The following SLC28A2 variants were observed in gnomAD, a reference collection of about 807,000 sequenced individuals.
SLC28A2 encodes the protein sodium/nucleoside cotransporter 2.
Under a neutral mutation model 72.9 loss-of-function variants are expected in SLC28A2, and 69 were observed. The ratio of observed to expected loss-of-function variants is 0.95; its 90% CI spans 0.78 to 1.16. The LOEUF (loss-of-function observed/expected upper bound fraction) is 1.16. Among genes scored for constraint, SLC28A2 ranks in the 50% most tolerant of loss-of-function variants. The probability of loss-of-function intolerance (pLI) is 0.00; values close to 1 mark genes in which losing one functional copy is unlikely to be tolerated. For synonymous variants in SLC28A2, 296 were observed against 294.1 expected (o/e 1.01, Z -0.07); for missense variants, 745 against 791.1 (o/e 0.94, Z 0.70).
rs1482867461 is a variant in SLC28A2 at position 45,253,289 on chromosome 15, A to T, written c.74A>T (p.Glu25Val). 1.2e-6 allele frequency: 2 copies of T among 1,611,852 alleles called. No individual in the cohort carries two copies. The highest frequency in any genetic ancestry group is 1.1e-5 in the South Asian group (1 of 90,944). Residue 25 changes from glutamate (E) to valine (V), a missense_variant, in exon 2 of 18, where the codon GAG becomes GTG. Coordinates refer to ENST00000347644, the MANE Select transcript of SLC28A2 (RefSeq NM_004212.4). ...VETGTVNPGLELMEKEVEPEG... is the reference protein window; with the variant it reads ...VETGTVNPGLVLMEKEVEPEG... ...ACTGGCACAGTGAACCCGGGGCTGG[A>T]GCTCATGGTAATCACCAGTTTAGTT... is the stretch of plus-strand genomic sequence containing the variant.
At chr15:45,264,194 C>T (rs1034335731) in intron 6 of SLC28A2, among the ~76,000 whole-genome samples, 172 bp downstream of exon 6, 2 of 152,178 alleles carry the variant, frequency 1.3e-5, no homozygotes, top group Admixed American at 1.3e-4. Flanking sequence ...AAAAAATTCT[C>T]AAAGGCCCTA....
At chr15:45,270,081 T>C in intron 14 of SLC28A2, 114 bp from the exon 15 acceptor site, 1 of 725,866 alleles carries the variant, frequency 1.4e-6, no homozygotes, top group Non-Finnish European at 2.4e-6. Flanking sequence ...TCATGTTCCT[T>C]GGGAAACCAT....
chr15:45,270,637 A>AT (rs1009909168), intron 15 of SLC28A2, among the ~76,000 whole-genome samples: 3 of 150,224 alleles, frequency 2.0e-5, no homozygotes, highest in Non-Finnish European at 3.0e-5. Flanking sequence ...TATTTATTTA[A>AT]TTTTTTTTGA....
intron 17 of SLC28A2, 78 bp downstream of exon 17, chr15:45,272,862 A>G (rs945646595): frequency 6.5e-6 from 5 of 773,470 alleles, no homozygotes; most frequent in African/African-American, 5.1e-5. Flanking sequence ...GGTTGCATAG[A>G]GTGTATAAGG....
At chr15:45,265,534 C>T in intron 8 of SLC28A2, 49 bp from the exon 9 acceptor site, 1 of 1,295,984 alleles carries the variant, frequency 7.7e-7, no homozygotes, top group Non-Finnish European at 1.1e-6. Context: ...GCCTAAAACA[C>T]AGAGTATGCA....
At chr15:45,258,818 C>T (rs749002139) in intron 3 of SLC28A2, among the ~76,000 whole-genome samples, 9 of 152,072 alleles carry the variant, frequency 5.9e-5, no homozygotes, top group Non-Finnish European at 1.3e-4. Flanking sequence ...TTGTGCATGT[C>T]TTTTAGTAAA....
At position 45,269,383 on chromosome 15, in the gene SLC28A2, G is replaced by A. The variant is rs1900467588; in HGVS notation, c.1414G>A (p.Val472Ile). 6.2e-7 allele frequency: 1 copy of A among 1,613,898 alleles called. No homozygotes were observed. The highest frequency in any genetic ancestry group is 1.7e-5 in the Admixed American group (1 of 60,002). ...LLRPMVFMMG[V>I]EWTDCPMVAE... ...AAGGCCCATGGTTTTCATGATGGGTGTAGAGTGGACAGACTGTCCAATGGT... is the reference window on the plus strand; with the variant it reads ...AAGGCCCATGGTTTTCATGATGGGTATAGAGTGGACAGACTGTCCAATGGT... Residue 472 changes from valine (V) to isoleucine (I), a missense_variant, in exon 14 of 18, where the codon GTA becomes ATA. Physicochemically the swap from Val to Ile is conservative, Grantham distance 29. Coordinates refer to ENST00000347644, the MANE Select transcript of SLC28A2 (RefSeq NM_004212.4).
At chr15:45,254,612 A>C (rs1292914941) in intron 3 of SLC28A2, among the ~76,000 whole-genome samples, 1 of 152,202 alleles carries the variant, frequency 6.6e-6, no homozygotes, top group Non-Finnish European at 1.5e-5. Context: ...AAATTGACTA[A>C]TGTTGAATTT....
rs10519020 is a variant in SLC28A2, at chr15:45,265,120, G to C, written c.734G>C (p.Ser245Thr). 18,110 of 1,613,062 alleles carry C rather than the reference G, an allele frequency of 0.011. 1,802 individuals are homozygous for C. In the African/African-American group the frequency reaches 0.22, roughly 19 times the overall value. Residue 245 changes from serine (S) to threonine (T), a missense_variant, in exon 8 of 18, where the codon AGT (serine) becomes ACT (threonine). Transcript: ENST00000347644. ...IFLNYTVAGS[S>T]FVFGDTLVKD... ...CTGAACTACACTGTGGCCGGCTCCA[G>C]TTTTGTCTTTGGGGATACACTGGTC...
chr15:45,273,960 TTGA>T (rs1314519290), intron 17 of SLC28A2, among the ~76,000 whole-genome samples: 1 of 152,254 alleles, frequency 6.6e-6, no homozygotes, highest in African/African-American at 2.4e-5. Flanking sequence ...TTTATATTTA[TTGA>T]TTTATTGTAT....
At chr15:45,265,286 A>G in intron 8 of SLC28A2, 120 bp downstream of exon 8, 1 of 761,824 alleles carries the variant, frequency 1.3e-6, no homozygotes, top group Non-Finnish European at 2.4e-6. Context: ...CCCTAACAAG[A>G]GGGTTTAACC....
Position 45,270,199 on chromosome 15 carries a change from G to A in SLC28A2, c.1571G>A (p.Arg524Lys). Residue 524 changes from arginine to lysine, a missense_variant, in exon 15 of 18, where the codon AGA becomes AAA. Physicochemically the swap from Arg to Lys is conservative, Grantham distance 26. Transcript: ENST00000347644. ...IEGEKQWISV[R>K]AEIITTFSLC... The stretch of plus-strand genomic sequence containing the variant: ...ATTTATTTTTGTTTTCCCTAGGTGA[G>A]AGCTGAAATCATTACAACATTTTCA... 6.2e-7 allele frequency: 1 copy of A among 1,611,512 alleles called. No homozygotes were observed. Among genetic ancestry groups the A allele is most frequent in the Non-Finnish European group, 8.5e-7 (1 of 1,177,622 alleles).
At chr15:45,264,347 C>G (rs143239347) in intron 6 of SLC28A2, among the ~76,000 whole-genome samples, 59 of 152,242 alleles carry the variant, frequency 3.9e-4, no homozygotes, top group African/African-American at 1.3e-3. Context: ...AAAATCAACA[C>G]GCAGTGCAGA....
At chr15:45,274,123 T>C (rs1900675372) in intron 17 of SLC28A2, among the ~76,000 whole-genome samples, 2 of 151,846 alleles carry the variant, frequency 1.3e-5, no homozygotes, top group Non-Finnish European at 2.9e-5. Context: ...AACTTGGAGG[T>C]AGTTGCAGGA....
rs1366623105 is a variant in SLC28A2, at chr15:45,269,486, G to A, written c.1517G>A (p.Arg506His). 9.9e-6 allele frequency: 16 copies of A among 1,614,022 alleles called. No homozygotes were observed. Among genetic ancestry groups the A allele is most frequent in the East Asian group, 2.2e-5 (1 of 44,902 alleles). Residue 506 changes from arginine (R) to histidine (H), a missense_variant, in exon 14 of 18, where the codon CGT becomes CAT. Arg to His is a conservative substitution (Grantham distance 29). Coordinates refer to ENST00000347644, the MANE Select transcript of SLC28A2 (RefSeq NM_004212.4). ...CAACTGTCTCAATACAAGAACAAAC[G>A]TCTCTCTGGAATGGAGGAGTGGATT... ...YQQLSQYKNK[R>H]LSGMEEWIEG...
rs992962880 is a variant in SLC28A2 at position 45,276,785 on chromosome 15, G to A, written c.*1272G>A. 1 of 152,126 alleles carries A rather than the reference G, an allele frequency of 6.6e-6. No individual in the cohort carries two copies. Among genetic ancestry groups the A allele is most frequent in the Non-Finnish European group, 1.5e-5 (1 of 68,028 alleles). 9.4% of individuals were successfully genotyped at this position (152,126 alleles called of 1,614,324 possible). A position where few individuals can be genotyped will look rare whatever the true frequency, so the allele number is the denominator to read the frequency against. On this transcript the variant is annotated 3_prime_UTR_variant, in exon 18 of 18. Coordinates refer to ENST00000347644, the MANE Select transcript of SLC28A2 (RefSeq NM_004212.4). ...ATTTAATGATAAGATTTTTCTGGTT[G>A]TCAAACATTTGTAAATCTGCAAACT...
At position 45,269,385 on chromosome 15, in the gene SLC28A2, A is replaced by G. The variant is rs1900467798; in HGVS notation, c.1416A>G (p.Val472=). ...LLRPMVFMMG[V]EWTDCPMVAE... ...GGCCCATGGTTTTCATGATGGGTGT[A>G]GAGTGGACAGACTGTCCAATGGTGG... Residue 472 remains valine, a synonymous_variant, in exon 14 of 18, where the codon GTA becomes GTG. Coordinates refer to ENST00000347644, the MANE Select transcript of SLC28A2 (RefSeq NM_004212.4). The G allele has an allele frequency of 6.2e-7, 1 of 1,613,926 alleles. No individual in the cohort carries two copies. The highest frequency in any genetic ancestry group is 1.3e-5 in the African/African-American group (1 of 74,920).
intron 1 of SLC28A2, among the ~76,000 whole-genome samples, chr15:45,252,591 T>G (rs1358964158): frequency 6.6e-6 from 1 of 152,260 alleles, no homozygotes; most frequent in African/African-American, 2.4e-5. Context: ...TTATTTTGTT[T>G]AAAAACTTTA....
intron 10 of SLC28A2, 32 bp downstream of exon 10, chr15:45,266,193 C>T (rs1900331362): frequency 6.8e-7 from 1 of 1,462,850 alleles, no homozygotes; most frequent in Non-Finnish European, 9.6e-7. Context: ...GGTCTTCTTC[C>T]CTCTGAGGAA....
Sources: allele counts gnomAD v4.1 joint callset (sites outside exome capture counted in the v4.1 genomes callset), GRCh38; gene constraint gnomAD v4.1.1; transcripts MANE v1.5; gene names NCBI Gene and HGNC (gene_info 2026-07-23, HGNC 2026-07-21).